Variants in ANKS1B observed in about 807,000 individuals in gnomAD.
ANKS1B encodes ankyrin repeat and sterile alpha motif domain-containing protein 1B.
In ANKS1B, 36 loss-of-function variants were observed where a neutral mutation model predicts 148.3. That is an observed-to-expected ratio of 0.24 (90% CI 0.19 to 0.32). The LOEUF (loss-of-function observed/expected upper bound fraction) is 0.32, where lower values mean the gene tolerates loss of function less well. Among genes scored for constraint, ANKS1B ranks in the 10% least tolerant of loss-of-function variants. The probability of loss-of-function intolerance (pLI) is 1.00; values close to 1 mark genes in which losing one functional copy is unlikely to be tolerated. For synonymous variants in ANKS1B, 542 were observed against 560.8 expected, an observed-to-expected ratio of 0.97 and a Z score of 0.47; for missense variants, 1,157 against 1,542.6, an observed-to-expected ratio of 0.75 and a Z score of 4.19.
At chr12:98,777,502 G>A (rs779555029) in intron 24 of ANKS1B, among the ~76,000 whole-genome samples, 3 of 152,084 alleles carry the variant, frequency 2.0e-5, no homozygotes, top group Non-Finnish European at 4.4e-5. Context: ...CTCCCTCCCC[G>A]ACTCCCCCAA....
At chr12:99,742,894 T>G (rs1398810740) in intron 8 of ANKS1B, among the ~76,000 whole-genome samples, 1 of 152,100 alleles carries the variant, frequency 6.6e-6, no homozygotes, top group Non-Finnish European at 1.5e-5. Context: ...CTCTGGTTGC[T>G]TTTATTTCAA....
intron 17 of ANKS1B, among the ~76,000 whole-genome samples, chr12:98,852,140 C>G (rs1161185223): frequency 6.6e-6 from 1 of 151,236 alleles, no homozygotes; most frequent in Non-Finnish European, 1.5e-5. Flanking sequence ...AGGCACTGTC[C>G]ACAGGCCAGG....
chr12:98,847,512 G>C (rs1316521375), intron 17 of ANKS1B, among the ~76,000 whole-genome samples: 2 of 152,108 alleles, frequency 1.3e-5, no homozygotes, highest in Non-Finnish European at 2.9e-5. Flanking sequence ...TCTAATGATG[G>C]AAATACAGAT....
At chr12:98,891,823 A>G (rs902639577) in intron 17 of ANKS1B, among the ~76,000 whole-genome samples, 3 of 152,282 alleles carry the variant, frequency 2.0e-5, no homozygotes, top group African/African-American at 7.2e-5. Flanking sequence ...GTTGTTGGCT[A>G]TTGCCCACAG....
At chr12:99,794,623 G>A (rs557454973) in intron 4 of ANKS1B, among the ~76,000 whole-genome samples, 7 of 151,870 alleles carry the variant, frequency 4.6e-5, no homozygotes, top group Admixed American at 1.3e-4. Context: ...CATGTTCTCA[G>A]TTATTTGTGA....
At chr12:99,010,323 A>G (rs960232495) in intron 17 of ANKS1B, among the ~76,000 whole-genome samples, 1 of 152,226 alleles carries the variant, frequency 6.6e-6, no homozygotes, top group Non-Finnish European at 1.5e-5. Flanking sequence ...TGTTGTGAGG[A>G]TTAAAGGAGT....
intron 16 of ANKS1B, among the ~76,000 whole-genome samples, chr12:99,078,449 T>C (rs2048547932): frequency 6.6e-6 from 1 of 152,178 alleles, no homozygotes; most frequent in Admixed American, 6.6e-5. Context: ...ATGTACAATT[T>C]GCAAATATCT....
chr12:98,884,437 T>C (rs1191096836), intron 17 of ANKS1B, among the ~76,000 whole-genome samples: 1 of 152,232 alleles, frequency 6.6e-6, no homozygotes, highest in Admixed American at 6.5e-5. Flanking sequence ...TATATATTCA[T>C]CATATGCTTC....
At chr12:99,425,047 C>T (rs2095218396) in intron 11 of ANKS1B, among the ~76,000 whole-genome samples, 1 of 151,986 alleles carries the variant, frequency 6.6e-6, no homozygotes, top group African/African-American at 2.4e-5. Flanking sequence ...CACGAGGCAC[C>T]CCTGGAGTCT....
At chr12:99,337,182 T>G (rs2152311543) in intron 12 of ANKS1B, among the ~76,000 whole-genome samples, 1 of 152,146 alleles carries the variant, frequency 6.6e-6, no homozygotes, top group East Asian at 1.9e-4. Flanking sequence ...TAGGTGTGCT[T>G]CATTGTTTTT....
chr12:99,359,569 T>C (rs2092319995), intron 12 of ANKS1B, among the ~76,000 whole-genome samples: 1 of 152,090 alleles, frequency 6.6e-6, no homozygotes, highest in Admixed American at 6.6e-5. Flanking sequence ...AAAAAAGATA[T>C]AAAAAATGTT....
intron 15 of ANKS1B, among the ~76,000 whole-genome samples, chr12:99,109,579 G>T (rs145381816): frequency 3.9e-5 from 6 of 152,272 alleles, no homozygotes; most frequent in African/African-American, 1.4e-4. Context: ...TGGAGATAAT[G>T]TTGCCTACTT....
At chr12:99,840,724 T>C (rs1260210432) in intron 1 of ANKS1B, among the ~76,000 whole-genome samples, 1 of 152,152 alleles carries the variant, frequency 6.6e-6, no homozygotes, top group East Asian at 1.9e-4. Context: ...TTGGATAAGT[T>C]TGCAGAAGAG....
At chr12:98,909,198 G>A (rs1331294216) in intron 17 of ANKS1B, among the ~76,000 whole-genome samples, 5 of 152,116 alleles carry the variant, frequency 3.3e-5, no homozygotes, top group African/African-American at 1.2e-4. Flanking sequence ...GTATATATAT[G>A]TATATTCTGT....
At chr12:99,708,027 A>G (rs1374597105) in intron 8 of ANKS1B, among the ~76,000 whole-genome samples, 2 of 152,134 alleles carry the variant, frequency 1.3e-5, no homozygotes. Flanking sequence ...TGCGGAGGTT[A>G]ACCTGGGGGT....
At chr12:99,150,312 G>C (rs2074483903) in intron 15 of ANKS1B, among the ~76,000 whole-genome samples, 1 of 152,114 alleles carries the variant, frequency 6.6e-6, no homozygotes, top group Non-Finnish European at 1.5e-5. Context: ...GTCTAATTGG[G>C]GAGACAAGAT....
chr12:99,483,640 G>C (rs78177030), intron 10 of ANKS1B, among the ~76,000 whole-genome samples: 3,477 of 151,678 alleles, frequency 0.023, 138 homozygotes, highest in African/African-American at 0.081. Context: ...GGGCTTTTTT[G>C]TTGTTGGCAA....
At chr12:99,623,966 G>C (rs1416183816) in intron 9 of ANKS1B, among the ~76,000 whole-genome samples, 1 of 151,940 alleles carries the variant, frequency 6.6e-6, no homozygotes, top group Non-Finnish European at 1.5e-5. Flanking sequence ...TAAGAAAAAA[G>C]AACAAAGTTG....
At chr12:99,558,792 G>T (rs2097303877) in intron 9 of ANKS1B, among the ~76,000 whole-genome samples, 1 of 152,200 alleles carries the variant, frequency 6.6e-6, no homozygotes, top group Non-Finnish European at 1.5e-5. Flanking sequence ...TTGCCCAAAA[G>T]CTAAAGCCTC....
Sources: gnomAD v4.1 joint callset for allele counts (sites outside exome capture counted in the v4.1 genomes callset) on GRCh38, gnomAD v4.1.1 for gene constraint, MANE v1.5 for transcripts, NCBI Gene and HGNC (gene_info 2026-07-23, HGNC 2026-07-21) for gene names.